TBX3: variants seen among roughly 807,000 people sequenced by gnomAD.
The protein encoded by TBX3 is T-box transcription factor 3.
A neutral mutation model predicts 47.8 loss-of-function variants in TBX3; 11 were observed. The ratio of observed to expected loss-of-function variants is 0.23; its 90% CI spans 0.14 to 0.38. TBX3 has a LOEUF of 0.38. TBX3 is among the 10% of genes least tolerant of loss of function. The probability of loss-of-function intolerance (pLI) is 1.00; values close to 1 mark genes in which losing one functional copy is unlikely to be tolerated. For missense variants in TBX3, 927 were observed against 1,022.8 expected (o/e 0.91, Z 1.28); for synonymous variants, 500 against 449.3 (o/e 1.11, Z -1.43).
In TBX3 at chr12:114,674,519, C is replaced by T. The variant is rs1419877783; in HGVS notation, c.1356G>A (p.Ala452=). The T allele has an allele frequency of 2.0e-6, 3 of 1,509,418 alleles. No homozygotes were observed. The East Asian group carries it at 7.4e-5, about 37-fold the overall frequency. 93.5% of individuals were successfully genotyped at this position (1,509,418 alleles called of 1,614,324 possible). The change falls in exon 6 of 7, where the codon GCG becomes GCA. Residue 452 remains alanine, a synonymous_variant. Coordinates refer to ENST00000349155, the MANE Select transcript of TBX3 (RefSeq NM_005996.4). ...GCGCGAAGGCCTCCTTGCCCGGGAGCGCGCGCGCCTCTTCCACCTTGGCCG... is the reference window on the plus strand; with the variant it reads ...GCGCGAAGGCCTCCTTGCCCGGGAGTGCGCGCGCCTCTTCCACCTTGGCCG... ...TAPAKVEEAR[A]LPGKEAFAPL... is the part of the protein sequence containing the mutation.
chr12:114,683,571 A>G lies in TBX3; in HGVS notation c.-371T>C, dbSNP rs1235521486. 6.5e-6 allele frequency: 2 copies of G among 306,840 alleles called. No individual in the cohort carries two copies. Among genetic ancestry groups the G allele is most frequent in the East Asian group, 1.0e-4 (2 of 19,296 alleles). The allele number at this position is 306,840 out of a possible 1,614,324, so 19.0% of individuals were successfully genotyped here. ...GCCCGAGCCCTGCCGCTGAGCTCGA[A>G]ATAGACACTCCAGCCCTGCGTCCCA... On this transcript the variant is annotated 5_prime_UTR_variant, in exon 1 of 7. Transcript: ENST00000349155. This position sits in a 1 kb window ranked among gnomAD's most constrained non-coding sequence, Gnocchi z 7.7.
rs551510 is a variant in TBX3, at chr12:114,676,231, C to T, written c.1039+82G>A. ...TTCTAGCTTTTAAAGGGCAAGTGCCCTGGTTGGTGCCCCATCCCCCTTCAA... is the reference window on the plus strand; with the variant it reads ...TTCTAGCTTTTAAAGGGCAAGTGCCTTGGTTGGTGCCCCATCCCCCTTCAA... On this transcript the variant is annotated intron_variant, in intron 5 of 6. Coordinates refer to ENST00000349155, the MANE Select transcript of TBX3 (RefSeq NM_005996.4). 0.5 allele frequency: 782,619 copies of T among 1,580,094 alleles called. 194,889 individuals carry two copies. Among genetic ancestry groups the T allele is most frequent in the Middle Eastern group, 0.53 (2,321 of 4,390 alleles).
Position 114,674,288 on chromosome 12 carries a change from G to C in TBX3, c.1587C>G (p.Ala529=), listed in dbSNP as rs376960290. The change falls in exon 6 of 7, where the codon GCC becomes GCG. Residue 529 remains alanine, a synonymous_variant. Coordinates refer to ENST00000349155, the MANE Select transcript of TBX3 (RefSeq NM_005996.4). Reference sequence around the variant, plus strand: ...AATCCAGGCCCGAGACACCGGTGGAGGCCCCAGAAACCGTGGCCAGGAGGG... The same window carrying C: ...AATCCAGGCCCGAGACACCGGTGGACGCCCCAGAAACCGTGGCCAGGAGGG... ...MGPLLATVSG[A]STGVSGLDST... is the part of the protein sequence containing the mutation. 42 of 1,581,022 alleles carry C rather than the reference G, an allele frequency of 2.7e-5. No individual in the cohort carries two copies. The African/African-American group carries it at 5.0e-4, about 19-fold the overall frequency.
intron 5 of TBX3, 119 bp downstream of exon 5, chr12:114,676,194 T>G: frequency 2.3e-6 from 3 of 1,304,150 alleles, no homozygotes; most frequent in Non-Finnish European, 3.2e-6. Flanking sequence ...TGTTTAAGGA[T>G]GTTTAGAAGG....
chr12:114,682,285 G>A (rs544338725), intron 1 of TBX3, among the ~76,000 whole-genome samples: 1 of 152,250 alleles, frequency 6.6e-6, no homozygotes, highest in East Asian at 1.9e-4. Context: ...AAACCAAAAT[G>A]CCCTTCGATT....
In TBX3 at chr12:114,674,441, C is replaced by A. The variant is rs892717045; in HGVS notation, c.1434G>T (p.Leu478=). The A allele has an allele frequency of 6.5e-6, 10 of 1,547,776 alleles. No individual in the cohort carries two copies. Among genetic ancestry groups the A allele is most frequent in the African/African-American group, 1.4e-5 (1 of 72,904 alleles). The change falls in exon 6 of 7, where the codon CTG becomes CTT. Residue 478 remains leucine (L), a synonymous_variant. Transcript: ENST00000349155. ...GGCCCGGGGCGAAGCCGAGGCCAGG[C>A]AGGGGGCCCTGGGCCAGGTGCGCGG... is the stretch of plus-strand genomic sequence containing the variant. ...AAAAHLAQGP[L]PGLGFAPGLA...
At chr12:114,676,827 C>T (rs1868730266) in intron 4 of TBX3, among the ~76,000 whole-genome samples, 1 of 152,190 alleles carries the variant, frequency 6.6e-6, no homozygotes, top group Non-Finnish European at 1.5e-5. Context: ...GACTGCCAGC[C>T]TTATATAGGG....
At position 114,682,823 on chromosome 12, in the gene TBX3, G is replaced by C. The variant is rs1868997123; in HGVS notation, c.378C>G (p.Thr126=). 2 of 1,614,038 alleles carry C rather than the reference G, an allele frequency of 1.2e-6. No individual in the cohort carries two copies. Among genetic ancestry groups the C allele is most frequent in the Admixed American group, 1.7e-5 (1 of 60,002 alleles). The change falls in exon 1 of 7, where the codon ACC becomes ACG. Residue 126 remains threonine, a synonymous_variant. Transcript: ENST00000349155. ...FHKRGTEMVI[T]KSGRRMFPPF... Reference sequence around the variant, plus strand: ...CCCCCACTGCTTACCTTCCCGACTTGGTAATGACCATCTCGGTGCCCCGCT... The same window carrying C: ...CCCCCACTGCTTACCTTCCCGACTTCGTAATGACCATCTCGGTGCCCCGCT...
At chr12:114,672,449 G>C (rs1365829369) in intron 6 of TBX3, 147 bp from the exon 7 acceptor site, 6 of 650,460 alleles carry the variant, frequency 9.2e-6, no homozygotes, top group Non-Finnish European at 1.2e-5. Flanking sequence ...TTTTTTTTTG[G>C]GGGGGGAGAT....
chr12:114,677,744 G>A lies in TBX3; in HGVS notation c.805-88C>T, dbSNP rs1020402675. Reference sequence around the variant, plus strand: ...TGTTTTTCCCAACTCAACAAGTCTAGAGATGTGACTGCCAACAGAAGTCAT... The same window carrying A: ...TGTTTTTCCCAACTCAACAAGTCTAAAGATGTGACTGCCAACAGAAGTCAT... On this transcript the variant is annotated intron_variant, in intron 3 of 6. Coordinates refer to ENST00000349155, the MANE Select transcript of TBX3 (RefSeq NM_005996.4). 4 of 1,226,514 alleles carry A rather than the reference G, an allele frequency of 3.3e-6. No individual in the cohort carries two copies. The African/African-American group carries it at 6.0e-5, about 18-fold the overall frequency. The allele number at this position is 1,226,514 out of a possible 1,614,324, so 76.0% of individuals were successfully genotyped here. A position where few individuals can be genotyped will look rare whatever the true frequency, so the allele number is the denominator to read the frequency against.
intron 6 of TBX3, 145 bp downstream of exon 6, chr12:114,674,020 A>G: frequency 9.0e-7 from 1 of 1,115,524 alleles, no homozygotes; most frequent in Non-Finnish European, 1.3e-6. Flanking sequence ...TAACTCCATG[A>G]GCTAAGCCTT....
intron 4 of TBX3, among the ~76,000 whole-genome samples, 154 bp downstream of exon 4, chr12:114,677,426 T>C (rs1349124075): frequency 6.6e-6 from 1 of 152,236 alleles, no homozygotes; most frequent in Non-Finnish European, 1.5e-5. Flanking sequence ...GTCCTGGGTA[T>C]ACTGATAGCG....
In TBX3 at chr12:114,683,297, CA is replaced by C; in HGVS notation, c.-98del. The C allele has an allele frequency of 6.7e-7, 1 of 1,488,036 alleles. No individual in the cohort carries two copies. Among genetic ancestry groups the C allele is most frequent in the Admixed American group, 2.1e-5 (1 of 47,546 alleles). The allele number at this position is 1,488,036 out of a possible 1,614,324, so 92.2% of individuals were successfully genotyped here. A position where few individuals can be genotyped will look rare whatever the true frequency, so the allele number is the denominator to read the frequency against. Reference sequence around the variant, plus strand: ...TGTTGTTTAACAGCAGCACATAATTCAAAAGGGGGGAAAAAGCAAAACAAAA... The same window carrying C: ...TGTTGTTTAACAGCAGCACATAATTCAAAGGGGGGAAAAAGCAAAACAAAA... On this transcript the variant is annotated 5_prime_UTR_variant, in exon 1 of 7. Coordinates refer to ENST00000349155, the MANE Select transcript of TBX3 (RefSeq NM_005996.4). This position sits in a 1 kb window ranked among gnomAD's most constrained non-coding sequence, Gnocchi z 7.7.
intron 6 of TBX3, 90 bp from the exon 7 acceptor site, chr12:114,672,392 G>A (rs1868487053): frequency 3.4e-6 from 4 of 1,177,748 alleles, no homozygotes; most frequent in South Asian, 1.6e-5. Flanking sequence ...CCAACATTGG[G>A]CAAGCCATGA....
At chr12:114,672,434 GTGTT>G in intron 6 of TBX3, 132 bp from the exon 7 acceptor site, 2 of 502,032 alleles carry the variant, frequency 4.0e-6, no homozygotes, top group South Asian at 4.4e-5. Flanking sequence ...TGTTGTTGTT[GTGTT>G]TTTTTTTTTG....
chr12:114,683,258 T>G lies in TBX3; in HGVS notation c.-58A>C. 1.9e-6 allele frequency: 3 copies of G among 1,590,740 alleles called. No homozygotes were observed. The highest frequency in any genetic ancestry group is 2.6e-6 in the Non-Finnish European group (3 of 1,165,954). ...GGACAAGTCCGCAGCTGCTGTGTTT[T>G]GTTGTTTTTTTGTTGTTGTTTAACA... On this transcript the variant is annotated 5_prime_UTR_variant, in exon 1 of 7. Coordinates refer to ENST00000349155, the MANE Select transcript of TBX3 (RefSeq NM_005996.4). The surrounding 1 kb of genome is among the most constrained non-coding windows in gnomAD (Gnocchi z 7.7).
intron 3 of TBX3, 85 bp downstream of exon 3, chr12:114,679,420 T>C (rs1868836863): frequency 6.3e-7 from 1 of 1,583,822 alleles, no homozygotes; most frequent in Non-Finnish European, 8.7e-7. Flanking sequence ...CTCCACTCTC[T>C]TGTAACTTTC....
rs1868901773 is a variant in TBX3, at chr12:114,680,963, G to A, written c.573C>T (p.Pro191=). 11 of 1,614,014 alleles carry A rather than the reference G, an allele frequency of 6.8e-6. No individual in the cohort carries two copies. Among genetic ancestry groups the A allele is most frequent in the Middle Eastern group, 1.6e-4 (1 of 6,062 alleles). Residue 191 remains proline, a synonymous_variant, in exon 2 of 7, where the codon CCC becomes CCT. Transcript: ENST00000349155. ...PKRMYIHPDS[P]ATGEQWMSKV... ...TGGACATCCACTGTTCCCCAGTAGC[G>A]GGGCTGTCCGGGTGAATGTACATCC... is the stretch of plus-strand genomic sequence containing the variant.
At position 114,683,192 on chromosome 12, in the gene TBX3, G is replaced by A. The variant is rs774283428; in HGVS notation, c.9C>T (p.Leu3=). MS[L]SMRDPVIPGT... The stretch of plus-strand genomic sequence containing the variant: ...CAGGAATGACCGGATCTCTCATGGA[G>A]AGGCTCATCCACTCCAGGCGGGGCG... The change falls in exon 1 of 7, where the codon CTC becomes CTT. Residue 3 remains leucine, a synonymous_variant. Coordinates refer to ENST00000349155, the MANE Select transcript of TBX3 (RefSeq NM_005996.4). This position sits in a 1 kb window ranked among gnomAD's most constrained non-coding sequence, Gnocchi z 7.7. 5.0e-6 allele frequency: 8 copies of A among 1,610,906 alleles called. No individual in the cohort carries two copies. The highest frequency in any genetic ancestry group is 3.3e-5 in the South Asian group (3 of 91,020).
Sources: gnomAD v4.1 joint callset for allele counts (sites outside exome capture counted in the v4.1 genomes callset) on GRCh38, gnomAD v4.1.1 for gene constraint, Gnocchi (gnomAD v3.1) non-coding constraint, MANE v1.5 for transcripts, NCBI Gene and HGNC (gene_info 2026-07-23, HGNC 2026-07-21) for gene names.